Variants in MMP16 observed in about 807,000 individuals in gnomAD.
The protein encoded by MMP16 is matrix metalloproteinase-16.
MMP16 carries 12 observed loss-of-function variants against 67.8 expected under a neutral mutation model. That is an observed-to-expected ratio of 0.18 (90% CI 0.11 to 0.29). The LOEUF is 0.29. Ranked by LOEUF, MMP16 falls within the 10% of genes least tolerant of loss-of-function variation. The pLI is 1.00. For missense variants in MMP16, 475 were observed against 765.7 expected, an observed-to-expected ratio of 0.62 and a Z score of 4.48; for synonymous variants, 249 against 255.9, an observed-to-expected ratio of 0.97 and a Z score of 0.26.
intron 4 of MMP16, among the ~76,000 whole-genome samples, chr8:88,131,498 C>T (rs113200054): frequency 1.1e-3 from 162 of 151,810 alleles, no homozygotes; most frequent in Non-Finnish European, 2.0e-3. Flanking sequence ...ACCAGAAACA[C>T]ACACTATTCA....
At chr8:88,098,024 C>A (rs552781853) in intron 6 of MMP16, among the ~76,000 whole-genome samples, 5 of 151,944 alleles carry the variant, frequency 3.3e-5, no homozygotes, top group African/African-American at 1.2e-4. Context: ...CACAAGGACA[C>A]CCTCACTCTG....
chr8:88,053,719 T>G (rs893219873), intron 8 of MMP16, among the ~76,000 whole-genome samples: 2 of 152,184 alleles, frequency 1.3e-5, no homozygotes, highest in African/African-American at 4.8e-5. Flanking sequence ...AATATATTGA[T>G]AACTGCTGTT....
intron 6 of MMP16, among the ~76,000 whole-genome samples, chr8:88,105,029 C>T (rs1253511965): frequency 6.6e-6 from 1 of 151,356 alleles, no homozygotes; most frequent in African/African-American, 2.4e-5. Context: ...ACAGGAATAT[C>T]CTAGGCCTTC....
At chr8:88,191,876 C>T (rs1159833622) in intron 2 of MMP16, among the ~76,000 whole-genome samples, 6 of 152,250 alleles carry the variant, frequency 3.9e-5, no homozygotes, top group South Asian at 2.1e-4. Context: ...ACCAGGGAAA[C>T]GTCATCCCTT....
chr8:88,080,281 G>A (rs536227985), intron 6 of MMP16, among the ~76,000 whole-genome samples: 1 of 152,078 alleles, frequency 6.6e-6, no homozygotes, highest in Non-Finnish European at 1.5e-5. Flanking sequence ...TTCAAAACAA[G>A]GTAGCTGTTT....
intron 1 of MMP16, among the ~76,000 whole-genome samples, chr8:88,283,011 T>C (rs1025191190): frequency 7.9e-5 from 12 of 151,698 alleles, no homozygotes; most frequent in African/African-American, 2.9e-4. Context: ...GGTATTGATA[T>C]GGACTTTTGA....
intron 6 of MMP16, among the ~76,000 whole-genome samples, chr8:88,091,227 C>T (rs1250596173): frequency 6.6e-6 from 1 of 151,816 alleles, no homozygotes; most frequent in African/African-American, 2.4e-5. Context: ...CACTATCATT[C>T]ATTCTTGTTG....
At chr8:88,148,065 T>C (rs941305092) in intron 4 of MMP16, among the ~76,000 whole-genome samples, 6 of 152,170 alleles carry the variant, frequency 3.9e-5, no homozygotes, top group African/African-American at 1.4e-4. Flanking sequence ...TATCCTTTTG[T>C]TCACAAAATA....
chr8:88,282,722 GTGTTT>G (rs753506850), intron 1 of MMP16, among the ~76,000 whole-genome samples: 3 of 152,122 alleles, frequency 2.0e-5, no homozygotes, highest in Non-Finnish European at 4.4e-5. Flanking sequence ...TTCAATGAAT[GTGTTT>G]TGTTTTGTTT....
chr8:88,046,558 T>A (rs1239042072), intron 9 of MMP16, 111 bp downstream of exon 9: 3 of 536,272 alleles, frequency 5.6e-6, no homozygotes, highest in Admixed American at 3.7e-5. Context: ...AATACAGTAT[T>A]ACATAGCTCT....
intron 1 of MMP16, among the ~76,000 whole-genome samples, chr8:88,204,017 G>A (rs780884336): frequency 1.3e-5 from 2 of 152,174 alleles, no homozygotes; most frequent in African/African-American, 2.4e-5. Flanking sequence ...AAAGACAGAT[G>A]TTTGGAAATG....
At chr8:88,217,937 G>GAA (rs1357092063) in intron 1 of MMP16, among the ~76,000 whole-genome samples, 9 of 152,102 alleles carry the variant, frequency 5.9e-5, no homozygotes, top group African/African-American at 2.2e-4. Context: ...CCATCACACA[G>GAA]AACACTGCAC....
intron 1 of MMP16, among the ~76,000 whole-genome samples, chr8:88,207,033 A>G (rs539713071): frequency 6.6e-6 from 1 of 152,322 alleles, no homozygotes; most frequent in East Asian, 1.9e-4. Flanking sequence ...GAAAAACCTC[A>G]TAGATGAACC....
intron 4 of MMP16, among the ~76,000 whole-genome samples, chr8:88,147,811 C>G (rs1236522836): frequency 6.6e-6 from 1 of 151,414 alleles, no homozygotes; most frequent in African/African-American, 2.4e-5. Context: ...ATGCACGCCC[C>G]TAGTTTATGC....
intron 1 of MMP16, among the ~76,000 whole-genome samples, chr8:88,296,856 A>C (rs1158070060): frequency 6.6e-6 from 1 of 151,844 alleles, no homozygotes; most frequent in East Asian, 1.9e-4. Context: ...AAAAAAAAAA[A>C]AACAGCTTGC....
intron 1 of MMP16, among the ~76,000 whole-genome samples, chr8:88,207,321 T>C (rs894165726): frequency 1.3e-5 from 2 of 152,196 alleles, no homozygotes; most frequent in African/African-American, 4.8e-5. Context: ...GATAATATCA[T>C]AGCCACCTCC....
intron 9 of MMP16, among the ~76,000 whole-genome samples, chr8:88,045,603 T>C (rs1586120412): frequency 6.6e-6 from 1 of 152,000 alleles, no homozygotes; most frequent in Non-Finnish European, 1.5e-5. Flanking sequence ...CAAACTCAGG[T>C]AATCTACCCA....
intron 2 of MMP16, among the ~76,000 whole-genome samples, chr8:88,193,027 C>T (rs1349733181): frequency 6.6e-6 from 1 of 151,942 alleles, no homozygotes; most frequent in Non-Finnish European, 1.5e-5. Context: ...ATAGAACTAC[C>T]ATATGATCTA....
At chr8:88,185,436 G>C (rs1199628432) in intron 3 of MMP16, among the ~76,000 whole-genome samples, 1 of 151,958 alleles carries the variant, frequency 6.6e-6, no homozygotes, top group Non-Finnish European at 1.5e-5. Flanking sequence ...TCCAACCTGG[G>C]TGATGGAAAG....
Sources: allele counts gnomAD v4.1 joint callset (sites outside exome capture counted in the v4.1 genomes callset), GRCh38; gene constraint gnomAD v4.1.1; transcripts MANE v1.5; gene names NCBI Gene and HGNC (gene_info 2026-07-23, HGNC 2026-07-21).